MMAA: variants seen among roughly 807,000 people sequenced by gnomAD.
MMAA encodes the protein methylmalonic aciduria type A protein, mitochondrial.
MMAA carries 41 observed loss-of-function variants against 45.0 expected under a neutral mutation model. The observed-to-expected ratio is 0.91, with a 90% CI of 0.71 to 1.18. The LOEUF (loss-of-function observed/expected upper bound fraction) is 1.18, where lower values mean the gene tolerates loss of function less well. Ranked by LOEUF, MMAA falls within the 50% of genes most tolerant of loss-of-function variation. The pLI is 0.00. For synonymous variants in MMAA, 154 were observed against 178.2 expected, an observed-to-expected ratio of 0.86 and a Z score of 1.08; for missense variants, 460 against 495.7, an observed-to-expected ratio of 0.93 and a Z score of 0.68.
At chr4:145,624,647 A>G in intron 1 of MMAA, 1 of 1,440,928 alleles carries the variant, frequency 6.9e-7, no homozygotes, top group Non-Finnish European at 9.6e-7. Flanking sequence ...AGAGCCACAT[A>G]TTCAGGGAAT....
intron 3 of MMAA, among the ~76,000 whole-genome samples, chr4:145,645,112 AG>A (rs1262099530): frequency 6.6e-6 from 1 of 152,244 alleles, no homozygotes; most frequent in African/African-American, 2.4e-5. Context: ...ACTGGGCAGA[AG>A]GGGCAGCTTG....
intron 6 of MMAA, among the ~76,000 whole-genome samples, chr4:145,654,489 T>C (rs922704075): frequency 2.0e-5 from 3 of 152,228 alleles, no homozygotes; most frequent in African/African-American, 7.2e-5. Context: ...ATTATGTTTG[T>C]TGGGTGCCAT....
At position 145,639,395 on chromosome 4, in the gene MMAA, G is replaced by A. The variant is rs1187767870; in HGVS notation, c.256G>A (p.Val86Met). 1.9e-6 allele frequency: 3 copies of A among 1,614,174 alleles called. No homozygotes were observed. Among genetic ancestry groups the A allele is most frequent in the Admixed American group, 1.7e-5 (1 of 60,022 alleles). Residue 86 changes from valine to methionine, a missense_variant, in exon 2 of 7, where the codon GTG (valine) becomes ATG (methionine). Coordinates refer to ENST00000649156, the MANE Select transcript of MMAA (RefSeq NM_172250.3). Reference protein sequence around the residue: ...EGLSDKEQRFVDKLYTGLIQG... With the variant: ...EGLSDKEQRFMDKLYTGLIQG... ...ACTTTCTGATAAAGAGCAAAGATTT[G>A]TGGATAAACTTTATACTGGTTTAAT... is the stretch of plus-strand genomic sequence containing the variant.
At chr4:145,653,439 G>T (rs907364642) in intron 5 of MMAA, among the ~76,000 whole-genome samples, 2 of 151,684 alleles carry the variant, frequency 1.3e-5, no homozygotes, top group Non-Finnish European at 2.9e-5. Flanking sequence ...GTTTGTCCAC[G>T]CAAAGCTGAA....
chr4:145,649,984 C>T (rs916941611), intron 4 of MMAA, among the ~76,000 whole-genome samples: 22 of 152,164 alleles, frequency 1.4e-4, no homozygotes, highest in African/African-American at 5.1e-4. Flanking sequence ...CTACATCACC[C>T]GGGCTGGAAG....
intron 1 of MMAA, chr4:145,625,990 G>A: frequency 6.8e-7 from 1 of 1,477,884 alleles, no homozygotes; most frequent in Non-Finnish European, 9.4e-7. Context: ...CTCAAAAGGG[G>A]TTCTCTATTA....
rs959448544 is a variant in MMAA at position 145,651,463 on chromosome 4, G to A, written c.819+316G>A. ...ATGTTGTTAGTACGTTGATTCAAAA[G>A]TTCTGGGGAGAGTGGGATCCCACTA... On this transcript the variant is annotated intron_variant, in intron 5 of 6. Transcript: ENST00000649156. Among the ~76,000 whole-genome samples, 10 of 152,280 alleles carry A rather than the reference G, an allele frequency of 6.6e-5. 1 individual carries two copies. In the South Asian group the frequency reaches 1.9e-3, roughly 28 times the overall value.
intron 6 of MMAA, 64 bp downstream of exon 6, chr4:145,654,207 A>G (rs1728169371): frequency 1.9e-6 from 3 of 1,577,898 alleles, no homozygotes; most frequent in Non-Finnish European, 2.6e-6. Context: ...AAGACAGGAT[A>G]TAAGTCCCAA....
Position 145,656,293 on chromosome 4 carries a change from G to A in MMAA, c.*859G>A, listed in dbSNP as rs760991571. ...GTGAACAAGTTTTGTCCTATGCTATGGAGGAGGCATAGCACAGTGATTAAG... is the reference window on the plus strand; with the variant it reads ...GTGAACAAGTTTTGTCCTATGCTATAGAGGAGGCATAGCACAGTGATTAAG... On this transcript the variant is annotated 3_prime_UTR_variant, in exon 7 of 7. Transcript: ENST00000649156. 5 of 152,110 alleles carry A rather than the reference G, an allele frequency of 3.3e-5. No homozygotes were observed. The highest frequency in any genetic ancestry group is 7.4e-5 in the Non-Finnish European group (5 of 68,012). 9.4% of individuals were successfully genotyped at this position (152,110 alleles called of 1,614,324 possible). A position where few individuals can be genotyped will look rare whatever the true frequency, so the allele number is the denominator to read the frequency against.
intron 1 of MMAA, among the ~76,000 whole-genome samples, chr4:145,633,196 CT>C (rs941603291): frequency 1.5e-3 from 130 of 88,442 alleles, no homozygotes; most frequent in East Asian, 5.8e-3. Context: ...ATTTCTTTTT[CT>C]TTTTTTTTTT....
At chr4:145,637,575 A>T (rs1256905033) in intron 1 of MMAA, among the ~76,000 whole-genome samples, 1 of 152,142 alleles carries the variant, frequency 6.6e-6, no homozygotes, top group Non-Finnish European at 1.5e-5. Flanking sequence ...AGCTAAAATT[A>T]ATTTCATGTT....
chr4:145,622,382 T>A (rs1734106326), intron 1 of MMAA, among the ~76,000 whole-genome samples: 1 of 152,194 alleles, frequency 6.6e-6, no homozygotes, highest in South Asian at 2.1e-4. Flanking sequence ...CTTTTTCCTG[T>A]ATAAATTACC....
rs1365133811 is a variant in MMAA, at chr4:145,657,797, G to C, written c.*2363G>C. ...TGGGGATGACAATAGTGTCCACCTAGAGCAGGACTATTTTAGTATTACATA... is the reference window on the plus strand; with the variant it reads ...TGGGGATGACAATAGTGTCCACCTACAGCAGGACTATTTTAGTATTACATA... On this transcript the variant is annotated 3_prime_UTR_variant, in exon 7 of 7. Coordinates refer to ENST00000649156, the MANE Select transcript of MMAA (RefSeq NM_172250.3). 1 of 152,184 alleles carries C rather than the reference G, an allele frequency of 6.6e-6. No individual in the cohort carries two copies. Among genetic ancestry groups the C allele is most frequent in the South Asian group, 2.1e-4 (1 of 4,822 alleles). The allele number at this position is 152,184 out of a possible 1,614,324, so 9.4% of individuals were successfully genotyped here.
chr4:145,651,986 T>A (rs931267055), intron 5 of MMAA, among the ~76,000 whole-genome samples: 1 of 152,126 alleles, frequency 6.6e-6, no homozygotes, highest in Admixed American at 6.5e-5. Context: ...GCCCCCCTGC[T>A]GCCCCCCTGC....
chr4:145,638,841 T>G (rs1727695599), intron 1 of MMAA, among the ~76,000 whole-genome samples: 2 of 152,214 alleles, frequency 1.3e-5, no homozygotes, highest in African/African-American at 2.4e-5. Context: ...TAAATTCCAC[T>G]TCGCAGTAGA....
At chr4:145,624,786 C>G in intron 1 of MMAA, 6 of 1,605,768 alleles carry the variant, frequency 3.7e-6, no homozygotes, top group Non-Finnish European at 4.3e-6. Flanking sequence ...CTCTGCAAAG[C>G]TTATGCAGGG....
At position 145,659,478 on chromosome 4, in the gene MMAA, T is replaced by C. The variant is rs556788892; in HGVS notation, c.*4044T>C. 2.6e-5 allele frequency: 4 copies of C among 152,298 alleles called. No individual in the cohort carries two copies. The highest frequency in any genetic ancestry group is 2.1e-4 in the South Asian group (1 of 4,830). 9.4% of individuals were successfully genotyped at this position (152,298 alleles called of 1,614,324 possible). A position where few individuals can be genotyped will look rare whatever the true frequency, so the allele number is the denominator to read the frequency against. Reference sequence around the variant, plus strand: ...TTGCTTAGACCCCTCAGCTTCTTGATAGAGTGAGGTGAGGGCATATGTAAG... The same window carrying C: ...TTGCTTAGACCCCTCAGCTTCTTGACAGAGTGAGGTGAGGGCATATGTAAG... On this transcript the variant is annotated 3_prime_UTR_variant, in exon 7 of 7. Transcript: ENST00000649156.
intron 1 of MMAA, among the ~76,000 whole-genome samples, chr4:145,637,352 C>A (rs1727641435): frequency 6.6e-6 from 1 of 152,132 alleles, no homozygotes. Flanking sequence ...GACATTAGAT[C>A]TTTTAAAATT....
intron 4 of MMAA, among the ~76,000 whole-genome samples, chr4:145,649,678 A>G (rs962170387): frequency 1.3e-5 from 2 of 152,180 alleles, no homozygotes; most frequent in Non-Finnish European, 2.9e-5. Context: ...ACTCCTAATA[A>G]CATTGGAATA....
Sources: gnomAD v4.1 joint callset for allele counts (sites outside exome capture counted in the v4.1 genomes callset) on GRCh38, gnomAD v4.1.1 for gene constraint, MANE v1.5 for transcripts, NCBI Gene and HGNC (gene_info 2026-07-23, HGNC 2026-07-21) for gene names.